The following ABCD2 variants were observed in gnomAD, a reference collection of about 807,000 sequenced individuals.
The protein encoded by ABCD2 is ATP binding cassette subfamily D member 2.
ABCD2 carries 36 observed loss-of-function variants against 70.9 expected under a neutral mutation model. That is an observed-to-expected ratio of 0.51 (90% CI 0.39 to 0.67). The LOEUF (loss-of-function observed/expected upper bound fraction) is 0.67, where lower values mean the gene tolerates loss of function less well. ABCD2 is among the 30% of genes least tolerant of loss of function. The pLI is 0.00. For synonymous variants in ABCD2, 304 were observed against 306.9 expected (o/e 0.99, Z 0.10); for missense variants, 729 against 890.2 (o/e 0.82, Z 2.30).
downstream of ABCD2, among the ~76,000 whole-genome samples, chr12:39,549,045 C>T (rs1941053821): frequency 1.3e-5 from 2 of 151,832 alleles, no homozygotes; most frequent in Admixed American, 1.3e-4. Flanking sequence ...CGAGACTTAC[C>T]TTTGAATGTA....
At chr12:39,590,113 T>C (rs1941725748) in intron 6 of ABCD2, among the ~76,000 whole-genome samples, 1 of 152,214 alleles carries the variant, frequency 6.6e-6, no homozygotes, top group Non-Finnish European at 1.5e-5. Flanking sequence ...TGATTCTCTT[T>C]CCAGCTCAAA....
intron 4 of ABCD2, 134 bp downstream of exon 4, chr12:39,604,628 G>A: frequency 1.6e-6 from 1 of 611,812 alleles, no homozygotes. Flanking sequence ...ACTAATATTA[G>A]GGATTGCTGT....
intron 2 of ABCD2, among the ~76,000 whole-genome samples, chr12:39,610,136 GAGAAGGA>G (rs1369501025): frequency 6.6e-6 from 1 of 152,188 alleles, no homozygotes; most frequent in Non-Finnish European, 1.5e-5. Flanking sequence ...CAATAGCACA[GAGAAGGA>G]ACATGTCGAG....
intron 9 of ABCD2, among the ~76,000 whole-genome samples, chr12:39,558,973 GA>G (rs563893851): frequency 4.0e-5 from 6 of 151,706 alleles, no homozygotes; most frequent in Non-Finnish European, 8.8e-5. Flanking sequence ...TCAAACAGAA[GA>G]AAAAAATATG....
At chr12:39,589,626 T>A (rs1287067162) in intron 6 of ABCD2, among the ~76,000 whole-genome samples, 1 of 152,008 alleles carries the variant, frequency 6.6e-6, no homozygotes, top group Admixed American at 6.6e-5. Context: ...TGACCTCGTG[T>A]TCCGCCCACC....
chr12:39,537,939 C>A, the ABCD2 span, among the ~76,000 whole-genome samples: 1 of 152,110 alleles, frequency 6.6e-6, no homozygotes, highest in African/African-American at 2.4e-5. Context: ...CAGAATGAGG[C>A]AGGAGAATAG....
At chr12:39,538,899 G>T in the ABCD2 span, among the ~76,000 whole-genome samples, 1 of 152,252 alleles carries the variant, frequency 6.6e-6, no homozygotes, top group African/African-American at 2.4e-5. Context: ...TAGCAGTCAG[G>T]TCAGACTGGG....
intron 6 of ABCD2, among the ~76,000 whole-genome samples, chr12:39,590,535 C>A (rs567252660): frequency 9.9e-5 from 15 of 152,030 alleles, no homozygotes; most frequent in African/African-American, 3.6e-4. Flanking sequence ...CTTATTTAAA[C>A]AATTATAATA....
intron 3 of ABCD2, among the ~76,000 whole-genome samples, chr12:39,606,517 T>C (rs1279203639): frequency 6.6e-6 from 1 of 152,254 alleles, no homozygotes; most frequent in Non-Finnish European, 1.5e-5. Flanking sequence ...TAATGTGAGA[T>C]AAATAAAATT....
At chr12:39,554,768 A>G (rs1402008274) in intron 9 of ABCD2, among the ~76,000 whole-genome samples, 1 of 152,152 alleles carries the variant, frequency 6.6e-6, no homozygotes, top group Non-Finnish European at 1.5e-5. Context: ...ATAGGAGATG[A>G]TCCACCTTGT....
chr12:39,541,196 A>G, the ABCD2 span, among the ~76,000 whole-genome samples: 7 of 152,372 alleles, frequency 4.6e-5, no homozygotes, highest in Admixed American at 4.6e-4. Context: ...TAAAACTGCA[A>G]TTACGTTTGC....
intron 6 of ABCD2, among the ~76,000 whole-genome samples, chr12:39,597,775 G>A (rs1427451610): frequency 2.6e-5 from 4 of 152,214 alleles, no homozygotes; most frequent in East Asian, 1.9e-4. Context: ...TTCCAAAAAC[G>A]TATCTGATGC....
intron 2 of ABCD2, among the ~76,000 whole-genome samples, chr12:39,612,325 A>G (rs1435709056): frequency 1.3e-5 from 2 of 152,204 alleles, no homozygotes; most frequent in Non-Finnish European, 2.9e-5. Flanking sequence ...GATACAATCT[A>G]ATGTCTGCTA....
At chr12:39,554,588 A>G (rs1439448571) in intron 9 of ABCD2, among the ~76,000 whole-genome samples, 1 of 152,208 alleles carries the variant, frequency 6.6e-6, no homozygotes, top group Non-Finnish European at 1.5e-5. Context: ...TGCATAAGTA[A>G]AATTTTCTCA....
Position 39,576,269 on chromosome 12 carries a change from G to C in ABCD2, c.1878-2428C>G, listed in dbSNP as rs555298726. Among the ~76,000 whole-genome samples, 685 of 152,076 alleles carry C rather than the reference G, an allele frequency of 4.5e-3. 6 individuals are homozygous for C. The highest frequency in any genetic ancestry group is 0.016 in the African/African-American group (653 of 41,496). Reference sequence around the variant, plus strand: ...CCGCCTCCTGGGTTCAAGTGATTCCGCTGCCTCAGCCTCCCGAGTAGCTGG... The same window carrying C: ...CCGCCTCCTGGGTTCAAGTGATTCCCCTGCCTCAGCCTCCCGAGTAGCTGG... On this transcript the variant is annotated intron_variant, in intron 8 of 9. Transcript: ENST00000308666.
intron 9 of ABCD2, among the ~76,000 whole-genome samples, chr12:39,559,940 C>T (rs1235908865): frequency 1.3e-5 from 2 of 152,092 alleles, no homozygotes; most frequent in Non-Finnish European, 2.9e-5. Context: ...GTATAAAACT[C>T]ACTGGTAAAA....
At chr12:39,583,244 G>A (rs1300693466) in intron 7 of ABCD2, among the ~76,000 whole-genome samples, 1 of 152,078 alleles carries the variant, frequency 6.6e-6, no homozygotes, top group Non-Finnish European at 1.5e-5. Context: ...AACTTATAAG[G>A]TAGATATTTA....
chr12:39,553,253 AT>A lies in ABCD2; in HGVS notation c.*658del, dbSNP rs540832489. The stretch of plus-strand genomic sequence containing the variant: ...TTTAAAATGAAAGGATTTATTAAAA[AT>A]ATTTAAGATTTGTACTAAAATTAAT... On this transcript the variant is annotated 3_prime_UTR_variant, in exon 10 of 10. Transcript: ENST00000308666. 348 of 152,188 alleles carry A rather than the reference AT, an allele frequency of 2.3e-3. 3 individuals carry two copies. Among genetic ancestry groups the A allele is most frequent in the African/African-American group, 8.1e-3 (336 of 41,572 alleles). The allele number at this position is 152,188 out of a possible 1,614,324, so 9.4% of individuals were successfully genotyped here.
Position 39,579,599 on chromosome 12 carries a change from A to G in ABCD2, c.1813T>C (p.Trp605Arg). Residue 605 changes from tryptophan to arginine, a missense_variant, in exon 8 of 10, where the codon TGG becomes CGG. Physicochemically the swap from Trp to Arg is moderately radical, Grantham distance 101 (BLOSUM62 -3). This residue lies in a region of ABCD2 where 289 missense variants were observed against 328.8 expected (regional missense o/e 0.88). Coordinates refer to ENST00000308666, the MANE Select transcript of ABCD2 (RefSeq NM_005164.4). The part of the protein sequence containing the change: ...REGGWDAVMD[W>R]KDVLSGGEKQ... ...TCCCCTCCTGACAGGACATCTTTCC[A>G]GTCCATAACAGCATCCCATCCTTAA... 4 of 1,610,482 alleles carry G rather than the reference A, an allele frequency of 2.5e-6. No individual in the cohort carries two copies. The highest frequency in any genetic ancestry group is 3.4e-6 in the Non-Finnish European group (4 of 1,177,810).
Sources: gnomAD v4.1 joint callset for allele counts (sites outside exome capture counted in the v4.1 genomes callset) on GRCh38, gnomAD v4.1.1 for gene constraint, gnomAD v4.1.1 regional missense constraint, MANE v1.5 for transcripts, NCBI Gene and HGNC (gene_info 2026-07-23, HGNC 2026-07-21) for gene names.